Variants in LIPE observed in about 807,000 individuals in gnomAD.
LIPE encodes the protein lipase E, hormone sensitive type.
Under a neutral mutation model 88.5 loss-of-function variants are expected in LIPE, and 66 were observed. The observed-to-expected ratio is 0.75, with a 90% CI of 0.61 to 0.91. The LOEUF is 0.91. Ranked by LOEUF, LIPE falls within the 40% of genes least tolerant of loss-of-function variation. LIPE has a pLI of 0.00. For synonymous variants in LIPE, 570 were observed against 617.5 expected (o/e 0.92, Z 1.14); for missense variants, 1,346 against 1,434.7 (o/e 0.94, Z 1.00).
chr19:42,409,778 T>C (rs1392002875), intron 2 of LIPE, among the ~76,000 whole-genome samples: 3 of 152,184 alleles, frequency 2.0e-5, no homozygotes, highest in African/African-American at 7.2e-5. Context: ...CTGGCCCAGC[T>C]GGGCTGATCA....
chr19:42,405,216 G>C (rs776061091), intron 8 of LIPE, among the ~76,000 whole-genome samples, 169 bp downstream of exon 8: 7 of 152,144 alleles, frequency 4.6e-5, no homozygotes, highest in Non-Finnish European at 1.0e-4. Context: ...TGTTGACCAG[G>C]CTGATCTTGA....
In LIPE at chr19:42,410,458, C is replaced by T. The variant is rs541595073; in HGVS notation, c.1268G>A (p.Arg423His). The T allele has an allele frequency of 4.0e-5, 65 of 1,614,106 alleles. No homozygotes were observed. Among genetic ancestry groups the T allele is most frequent in the South Asian group, 1.8e-4 (16 of 91,086 alleles). Residue 423 changes from arginine (R) to histidine (H), a missense_variant, in exon 2 of 10, where the codon CGC becomes CAC. Physicochemically the swap from Arg to His is conservative, Grantham distance 29. Coordinates refer to ENST00000244289, the MANE Select transcript of LIPE (RefSeq NM_005357.4). This position sits in a 1 kb window ranked among gnomAD's most constrained non-coding sequence, Gnocchi z 6.1. Reference protein sequence around the residue: ...EAYLAALTQLRALVYYAQRLL... With the variant: ...EAYLAALTQLHALVYYAQRLL... ...GCGCTGGGCGTAGTAGACCAGAGCG[C>T]GGAGCTGGGTGAGGGCAGCCAGGTA...
At position 42,403,292 on chromosome 19, in the gene LIPE, T is replaced by TGTGTGTGA. The variant is rs200935735; in HGVS notation, c.2543-262_2543-261insTCACACAC. Among the ~76,000 whole-genome samples the TGTGTGTGA allele has an allele frequency of 6.3e-3, 809 of 129,188 alleles. 68 individuals are homozygous for TGTGTGTGA. Among genetic ancestry groups the TGTGTGTGA allele is most frequent in the South Asian group, 0.01 (38 of 3,788 alleles). The allele number at this position is 129,188 out of a possible 152,430, so 84.8% of individuals were successfully genotyped here. A position where few individuals can be genotyped will look rare whatever the true frequency, so the allele number is the denominator to read the frequency against. ...GTGTGTGTGTGTGTGTGTGTGTGTGTGACTGGGAAGATTAGGTGCAGTTTA... is the reference window on the plus strand; with the variant it reads ...GTGTGTGTGTGTGTGTGTGTGTGTGTGTGTGTGAGACTGGGAAGATTAGGTGCAGTTTA... On this transcript the variant is annotated intron_variant, in intron 8 of 9. Coordinates refer to ENST00000244289, the MANE Select transcript of LIPE (RefSeq NM_005357.4).
chr19:42,412,879 C>T (rs573657369), intron 1 of LIPE, among the ~76,000 whole-genome samples: 2 of 152,294 alleles, frequency 1.3e-5, no homozygotes, highest in East Asian at 3.9e-4. Flanking sequence ...GGTAGCCAGC[C>T]CTGCCTGTCC....
rs747190276 is a variant in LIPE, at chr19:42,410,749, C to A, written c.977G>T (p.Gly326Val). Reference sequence around the variant, plus strand: ...CAGCCGCTGGGCCGTTTCCCCAGGACCCTGGCTCGAGAAGAAGGCTATGTT... The same window carrying A: ...CAGCCGCTGGGCCGTTTCCCCAGGAACCTGGCTCGAGAAGAAGGCTATGTT... Reference protein sequence around the residue: ...EDNIAFFSSQGPGETAQRLSG... With the variant: ...EDNIAFFSSQVPGETAQRLSG... The change falls in exon 2 of 10, where the codon GGT (glycine) becomes GTT (valine). Residue 326 changes from glycine (G) to valine (V), a missense_variant. Physicochemically the swap from Gly to Val is moderately radical, Grantham distance 109. Coordinates refer to ENST00000244289, the MANE Select transcript of LIPE (RefSeq NM_005357.4). This position sits in a 1 kb window ranked among gnomAD's most constrained non-coding sequence, Gnocchi z 6.1. 11 of 1,613,418 alleles carry A rather than the reference C, an allele frequency of 6.8e-6. No homozygotes were observed. In the East Asian group the frequency reaches 2.5e-4, roughly 36 times the overall value.
chr19:42,403,060 C>A (rs1348957842), intron 8 of LIPE, 29 bp from the exon 9 acceptor site: 1 of 1,510,958 alleles, frequency 6.6e-7, no homozygotes, highest in East Asian at 2.3e-5. Context: ...ATAGGCCTGG[C>A]TCCGTTAGTT....
rs1211568696 is a variant in LIPE, at chr19:42,406,250, T to C, written c.2276A>G (p.Gln759Arg). Reference sequence around the variant, plus strand: ...CAGGCGGGAGGGAGAGGCGGCAGGCTGCAGCATTGTGGCCGGGTAGGCTGC... The same window carrying C: ...CAGGCGGGAGGGAGAGGCGGCAGGCCGCAGCATTGTGGCCGGGTAGGCTGC... ...IMAAYPATML[Q>R]PAASPSRLLS... is the part of the protein sequence containing the mutation. The change falls in exon 7 of 10, where the codon CAG becomes CGG. Residue 759 changes from glutamine to arginine, a missense_variant. Coordinates refer to ENST00000244289, the MANE Select transcript of LIPE (RefSeq NM_005357.4). The surrounding 1 kb of genome is among the most constrained non-coding windows in gnomAD (Gnocchi z 5.7). 6.2e-7 allele frequency: 1 copy of C among 1,613,882 alleles called. No homozygotes were observed.
intron 1 of LIPE, chr19:42,423,357 C>T (rs2040638166): frequency 1.6e-6 from 2 of 1,227,874 alleles, no homozygotes; most frequent in Non-Finnish European, 2.1e-6. Flanking sequence ...CCACGCTGTC[C>T]CCACTGCCCC....
At chr19:42,423,422 T>C in intron 1 of LIPE, 2 of 1,289,598 alleles carry the variant, frequency 1.6e-6, no homozygotes, top group South Asian at 2.5e-5. Flanking sequence ...CGCTCACCTT[T>C]GGCCTTGTCT....
chr19:42,424,624 A>G (rs2040674278), intron 1 of LIPE: 1 of 456,146 alleles, frequency 2.2e-6, no homozygotes, highest in South Asian at 1.5e-5. Flanking sequence ...TGTGGGAGAG[A>G]CAAGACAGAC....
intron 8 of LIPE, among the ~76,000 whole-genome samples, chr19:42,403,278 T>C (rs1285488759): frequency 6.9e-6 from 1 of 145,406 alleles, no homozygotes; most frequent in Non-Finnish European, 1.5e-5. Flanking sequence ...TGTGTGTGTG[T>C]GTGTGTGTGT....
At chr19:42,411,810 G>A (rs943533784) in intron 1 of LIPE, among the ~76,000 whole-genome samples, 2 of 152,274 alleles carry the variant, frequency 1.3e-5, no homozygotes, top group South Asian at 4.1e-4. Context: ...CACTGGTGTC[G>A]ACCTTGAGCA....
intron 1 of LIPE, chr19:42,423,414 C>T (rs1315423528): frequency 7.8e-7 from 1 of 1,289,582 alleles, no homozygotes; most frequent in Non-Finnish European, 1.0e-6. Context: ...TCTCCGCGCG[C>T]TCACCTTTGG....
At position 42,401,765 on chromosome 19, in the gene LIPE, G is replaced by T; in HGVS notation, c.*47C>A. 9.4e-7 allele frequency: 1 copy of T among 1,065,048 alleles called. No homozygotes were observed. Among genetic ancestry groups the T allele is most frequent in the South Asian group, 1.9e-5 (1 of 51,466 alleles). 66.0% of individuals were successfully genotyped at this position (1,065,048 alleles called of 1,614,324 possible). A position where few individuals can be genotyped will look rare whatever the true frequency, so the allele number is the denominator to read the frequency against. ...GCCCGCGTCCCCTTCCGCCCGGCCC[G>T]GAAGGCATTCATGACGGAGGCCGGC... On this transcript the variant is annotated 3_prime_UTR_variant, in exon 10 of 10. Coordinates refer to ENST00000244289, the MANE Select transcript of LIPE (RefSeq NM_005357.4).
intron 1 of LIPE, chr19:42,423,969 G>T: frequency 8.6e-7 from 1 of 1,167,154 alleles, no homozygotes; most frequent in Non-Finnish European, 1.1e-6. Flanking sequence ...CCCGCCTTTT[G>T]AAGGGGGAAA....
intron 1 of LIPE, among the ~76,000 whole-genome samples, chr19:42,420,307 T>C (rs2040572986): frequency 6.6e-6 from 1 of 152,130 alleles, no homozygotes; most frequent in Non-Finnish European, 1.5e-5. Context: ...GGGGTTCACG[T>C]GTACATATGT....
chr19:42,426,765 G>A lies in LIPE; in HGVS notation c.385C>T (p.Pro129Ser). The A allele has an allele frequency of 6.2e-7, 1 of 1,614,188 alleles. No homozygotes were observed. Among genetic ancestry groups the A allele is most frequent in the Non-Finnish European group, 8.5e-7 (1 of 1,180,040 alleles). The change falls in exon 1 of 10, where the codon CCA (proline) becomes TCA (serine). Residue 129 changes from proline (P) to serine (S), a missense_variant. Pro to Ser is a moderately conservative substitution (Grantham distance 74). Transcript: ENST00000244289. ...GCTACATGTCTTTGTCTCAATGCTG[G>A]CTCCTGTTGAGTTATAGATTCTTTT... Reference protein sequence around the residue: ...LGKESITQQEPALRQRHVAQP... With the variant: ...LGKESITQQESALRQRHVAQP...
rs36104839 is a variant in LIPE at position 42,401,872 on chromosome 19, G to A, written c.3171C>T (p.Ala1057=). The part of the protein sequence containing the change: ...IRLVLTPPAG[A]GPSGETGAAG... ...CAGCCCCCGTCTCCCCGCTCGGCCCGGCTCCGGCGGGAGGAGTGAGGACGA... is the reference window on the plus strand; with the variant it reads ...CAGCCCCCGTCTCCCCGCTCGGCCCAGCTCCGGCGGGAGGAGTGAGGACGA... Residue 1057 remains alanine (A), a synonymous_variant, in exon 10 of 10, where the codon GCC becomes GCT. Coordinates refer to ENST00000244289, the MANE Select transcript of LIPE (RefSeq NM_005357.4). 0.036 allele frequency: 44,628 copies of A among 1,247,166 alleles called. 754 individuals are homozygous for A. The highest frequency in any genetic ancestry group is 0.04 in the Non-Finnish European group (38,408 of 949,714). 77.3% of individuals were successfully genotyped at this position (1,247,166 alleles called of 1,614,324 possible).
intron 1 of LIPE, among the ~76,000 whole-genome samples, chr19:42,415,639 G>T (rs902370412): frequency 6.6e-6 from 1 of 151,770 alleles, no homozygotes; most frequent in Non-Finnish European, 1.5e-5. Flanking sequence ...TGAAACCCCA[G>T]CTCTACTAAA....
Sources: gnomAD v4.1 joint callset for allele counts (sites outside exome capture counted in the v4.1 genomes callset) on GRCh38, gnomAD v4.1.1 for gene constraint, Gnocchi (gnomAD v3.1) non-coding constraint, MANE v1.5 for transcripts, NCBI Gene and HGNC (gene_info 2026-07-23, HGNC 2026-07-21) for gene names.